Variants in SLC26A5 observed in about 807,000 individuals in gnomAD.
The protein encoded by SLC26A5 is prestin.
In SLC26A5, 51 loss-of-function variants were observed where a neutral mutation model predicts 81.0. The ratio of observed to expected loss-of-function variants is 0.63; its 90% CI spans 0.50 to 0.80. SLC26A5 has a LOEUF of 0.80. Ranked by LOEUF, SLC26A5 falls within the 30% of genes least tolerant of loss-of-function variation. The pLI, the probability that SLC26A5 is intolerant of heterozygous loss-of-function variation, is 0.00. For synonymous variants in SLC26A5, 325 were observed against 332.8 expected, an observed-to-expected ratio of 0.98 and a Z score of 0.25; for missense variants, 771 against 905.8, an observed-to-expected ratio of 0.85 and a Z score of 1.91.
In SLC26A5 at chr7:103,412,995, C is replaced by G; in HGVS notation, c.403+7G>C. The G allele has an allele frequency of 1.3e-6, 2 of 1,567,596 alleles. No homozygotes were observed. The highest frequency in any genetic ancestry group is 2.2e-5 in the South Asian group (2 of 90,132). Reference sequence around the variant, plus strand: ...AAGGTAATAGAATATCAAATGTAAGCTTTTACCTATGGATATGTGTCTGGA... The same window carrying G: ...AAGGTAATAGAATATCAAATGTAAGGTTTTACCTATGGATATGTGTCTGGA... On this transcript the variant is annotated splice_region_variant and intron_variant, in intron 5 of 19. Coordinates refer to ENST00000306312, the MANE Select transcript of SLC26A5 (RefSeq NM_198999.3).
chr7:103,408,071 G>A, intron 7 of SLC26A5, 68 bp from the exon 8 acceptor site: 1 of 1,573,524 alleles, frequency 6.4e-7, no homozygotes, highest in Non-Finnish European at 8.7e-7. Flanking sequence ...AGACACTCTA[G>A]CGCACTAATT....
chr7:103,392,820 G>A (rs1489695846), intron 10 of SLC26A5, 99 bp downstream of exon 10: 15 of 1,449,932 alleles, frequency 1.0e-5, no homozygotes, highest in African/African-American at 1.4e-5. Context: ...CTCATGATCC[G>A]CCTGCCTTGG....
intron 19 of SLC26A5, chr7:103,364,438 T>TCAA: frequency 7.9e-6 from 8 of 1,015,032 alleles, no homozygotes; most frequent in South Asian, 1.6e-5. Context: ...AGACAGAGTC[T>TCAA]CATTGTGTTG....
rs1287024650 is a variant in SLC26A5, at chr7:103,393,494, C to T, written c.972-428G>A. On this transcript the variant is annotated intron_variant, in intron 9 of 19. Coordinates refer to ENST00000306312, the MANE Select transcript of SLC26A5 (RefSeq NM_198999.3). ...GCTACCTTAGAGGAGAATTAATGTC[C>T]TAGCAATGCTAGGCACCCCATACTT... is the stretch of plus-strand genomic sequence containing the variant. Among the ~76,000 whole-genome samples the T allele has an allele frequency of 5.3e-5, 8 of 151,914 alleles. No homozygotes were observed. The East Asian group carries it at 5.8e-4, about 11-fold the overall frequency.
At chr7:103,425,249 G>A (rs911358072) in intron 2 of SLC26A5, among the ~76,000 whole-genome samples, 1 of 152,158 alleles carries the variant, frequency 6.6e-6, no homozygotes, top group African/African-American at 2.4e-5. Flanking sequence ...ACATGCAGTT[G>A]ATCAGCTAGA....
At chr7:103,353,635 T>G (rs1819858203) in intron 19 of SLC26A5, among the ~76,000 whole-genome samples, 1 of 152,216 alleles carries the variant, frequency 6.6e-6, no homozygotes, top group Non-Finnish European at 1.5e-5. Flanking sequence ...ATGACTATGG[T>G]ATAATTTAAC....
intron 10 of SLC26A5, among the ~76,000 whole-genome samples, chr7:103,392,672 G>A (rs914454542): frequency 1.3e-5 from 2 of 152,194 alleles, no homozygotes. Context: ...CCGCCTCCTG[G>A]GTTCATGCCA....
At position 103,389,007 on chromosome 7, in the gene SLC26A5, C is replaced by T. The variant is rs727504481; in HGVS notation, c.1514+1G>A. 18 of 1,605,726 alleles carry T rather than the reference C, an allele frequency of 1.1e-5. No homozygotes were observed. The highest frequency in any genetic ancestry group is 1.4e-5 in the Non-Finnish European group (17 of 1,172,728). ...ACACCCATTCCAATCTGGGCACTCACCTCTGTGTTCTGTAAATCACAGTCA... is the reference window on the plus strand; with the variant it reads ...ACACCCATTCCAATCTGGGCACTCATCTCTGTGTTCTGTAAATCACAGTCA... On this transcript the variant is annotated splice_donor_variant, in intron 14 of 19. Coordinates refer to ENST00000306312, the MANE Select transcript of SLC26A5 (RefSeq NM_198999.3). LOFTEE classifies it high-confidence loss of function.
chr7:103,418,623 T>C (rs1825104358), intron 4 of SLC26A5, among the ~76,000 whole-genome samples: 1 of 152,182 alleles, frequency 6.6e-6, no homozygotes, highest in South Asian at 2.1e-4. Flanking sequence ...TTAATAAATA[T>C]GGTAAATCAG....
chr7:103,402,797 T>C (rs1823717004), intron 8 of SLC26A5, among the ~76,000 whole-genome samples: 1 of 152,194 alleles, frequency 6.6e-6, no homozygotes, highest in Admixed American at 6.5e-5. Flanking sequence ...ATAGTCTATC[T>C]ATTTTGTTAA....
chr7:103,382,067 G>A (rs1821842404), intron 14 of SLC26A5, among the ~76,000 whole-genome samples: 1 of 152,098 alleles, frequency 6.6e-6, no homozygotes, highest in African/African-American at 2.4e-5. Context: ...GGCATTTAGA[G>A]GTGGAGGCAA....
chr7:103,403,463 A>G (rs777887090), intron 8 of SLC26A5, among the ~76,000 whole-genome samples: 3 of 152,166 alleles, frequency 2.0e-5, no homozygotes, highest in African/African-American at 4.8e-5. Context: ...TCATATTGAC[A>G]GTGGGGTGTT....
intron 2 of SLC26A5, among the ~76,000 whole-genome samples, chr7:103,436,189 A>T (rs1258311001): frequency 2.6e-5 from 4 of 152,108 alleles, no homozygotes; most frequent in Non-Finnish European, 5.9e-5. Context: ...TTAAGTGTTG[A>T]TAATAGGAGT....
At chr7:103,418,712 C>T (rs62480377) in intron 4 of SLC26A5, among the ~76,000 whole-genome samples, 12,691 of 152,138 alleles carry the variant, frequency 0.083, 734 homozygotes, top group Non-Finnish European at 0.12. Flanking sequence ...TTTTTGGAAA[C>T]TGGCTAGAAG....
chr7:103,380,389 T>G, intron 15 of SLC26A5, 91 bp downstream of exon 15: 1 of 1,051,372 alleles, frequency 9.5e-7, no homozygotes, highest in Non-Finnish European at 1.5e-6. Context: ...ACCTCCCATC[T>G]TACCCCTACT....
rs369982008 is a variant in SLC26A5 at position 103,411,559 on chromosome 7, A to G, written c.431T>C (p.Ile144Thr). ...IGPFAVISLM[I>T]GGVAVRLVPD... ...TACTAATCGAACAGCTACACCACCAATCATCAGGCTAATAACAGCAAAAGG... is the reference window on the plus strand; with the variant it reads ...TACTAATCGAACAGCTACACCACCAGTCATCAGGCTAATAACAGCAAAAGG... The change falls in exon 6 of 20, where the codon ATT becomes ACT. Residue 144 changes from isoleucine (I) to threonine (T), a missense_variant. Ile to Thr is a moderately conservative substitution (Grantham distance 89). Coordinates refer to ENST00000306312, the MANE Select transcript of SLC26A5 (RefSeq NM_198999.3). 6.2e-7 allele frequency: 1 copy of G among 1,614,176 alleles called. No individual in the cohort carries two copies. Among genetic ancestry groups the G allele is most frequent in the African/African-American group, 1.3e-5 (1 of 75,036 alleles).
At chr7:103,409,443 T>C (rs1285499818) in intron 7 of SLC26A5, among the ~76,000 whole-genome samples, 1 of 152,250 alleles carries the variant, frequency 6.6e-6, no homozygotes, top group African/African-American at 2.4e-5. Flanking sequence ...GTTTTTTGGT[T>C]TCTAAATATA....
At chr7:103,380,205 C>T (rs1409916433) in intron 15 of SLC26A5, among the ~76,000 whole-genome samples, 1 of 152,072 alleles carries the variant, frequency 6.6e-6, no homozygotes, top group Non-Finnish European at 1.5e-5. Flanking sequence ...ACAAACCATC[C>T]TTTCAGTTTC....
At chr7:103,356,213 T>C (rs1030947711) in intron 19 of SLC26A5, among the ~76,000 whole-genome samples, 2 of 152,196 alleles carry the variant, frequency 1.3e-5, no homozygotes, top group Admixed American at 6.5e-5. Context: ...AATATAGGTA[T>C]ACTTATTTCT....
Sources: gnomAD v4.1 joint callset for allele counts (sites outside exome capture counted in the v4.1 genomes callset) on GRCh38, gnomAD v4.1.1 for gene constraint, MANE v1.5 for transcripts, NCBI Gene and HGNC (gene_info 2026-07-23, HGNC 2026-07-21) for gene names.